FBXL13: variants seen among roughly 807,000 people sequenced by gnomAD.
FBXL13 encodes F-box and leucine-rich repeat protein 13.
Under a neutral mutation model 83.6 loss-of-function variants are expected in FBXL13, and 67 were observed. The observed-to-expected ratio is 0.80, with a 90% CI of 0.66 to 0.98. The LOEUF is 0.98. Among genes scored for constraint, FBXL13 ranks in the 50% least tolerant of loss-of-function variants. The pLI is 0.00. For missense variants in FBXL13, 822 were observed against 866.5 expected (o/e 0.95, Z 0.64); for synonymous variants, 272 against 299.5 (o/e 0.91, Z 0.95).
intron 17 of FBXL13, among the ~76,000 whole-genome samples, chr7:102,853,505 C>T (rs1805575083): frequency 6.6e-6 from 1 of 152,072 alleles, no homozygotes; most frequent in African/African-American, 2.4e-5. Context: ...GCAACAAAAG[C>T]CAAAATTGAT....
chr7:102,911,883 T>G (rs1814746333), intron 11 of FBXL13, among the ~76,000 whole-genome samples: 1 of 152,178 alleles, frequency 6.6e-6, no homozygotes, highest in South Asian at 2.1e-4. Context: ...ATATGAATGT[T>G]AGATGTTTAC....
chr7:103,072,756 C>T (rs1799091693), intron 1 of FBXL13, among the ~76,000 whole-genome samples: 1 of 152,224 alleles, frequency 6.6e-6, no homozygotes, highest in African/African-American at 2.4e-5. Context: ...TCTTCACTCA[C>T]CTCTTAGAGG....
At chr7:103,009,638 C>T in intron 6 of FBXL13, among the ~76,000 whole-genome samples, 1 of 152,244 alleles carries the variant, frequency 6.6e-6, no homozygotes, top group Admixed American at 6.5e-5. Flanking sequence ...AGACCAGCAC[C>T]AGCACTATAG....
At chr7:103,028,466 C>A in intron 4 of FBXL13, 134 bp downstream of exon 5, 2 of 546,638 alleles carry the variant, frequency 3.7e-6, no homozygotes, top group South Asian at 5.1e-5. Context: ...AGCAGCTCTA[C>A]CTTCATTTCA....
chr7:103,010,227 G>A (rs866295369), intron 6 of FBXL13, among the ~76,000 whole-genome samples: 7 of 150,180 alleles, frequency 4.7e-5, no homozygotes, highest in Admixed American at 2.0e-4. Flanking sequence ...GGCAGACAAT[G>A]CCTGCTAGAG....
chr7:102,931,900 G>C (rs1819244813), exon 9 of FBXL13: 2 of 1,613,618 alleles, frequency 1.2e-6, no homozygotes, highest in Non-Finnish European at 1.7e-6. Context: ...TGGGCAGTCA[G>C]AGACATTCAA....
chr7:103,027,533 G>A, exon 5 of FBXL13: 3 of 1,609,596 alleles, frequency 1.9e-6, no homozygotes, highest in Middle Eastern at 1.7e-4. Context: ...GACAATAGAT[G>A]ATCTGTTGTA....
intron 11 of FBXL13, among the ~76,000 whole-genome samples, chr7:102,911,793 G>A (rs185726929): frequency 7.2e-5 from 11 of 152,294 alleles, no homozygotes; most frequent in East Asian, 1.9e-4. Flanking sequence ...TGAGGAGAAC[G>A]TCAATGCCAT....
intron 11 of FBXL13, among the ~76,000 whole-genome samples, chr7:102,885,905 AC>A (rs1329963537): frequency 1.3e-5 from 2 of 151,936 alleles, no homozygotes; most frequent in East Asian, 3.9e-4. Flanking sequence ...TGGTCTCAGC[AC>A]CCTTTTCAAA....
chr7:103,024,528 CAAAAAAA>C (rs11318355), intron 6 of FBXL13, among the ~76,000 whole-genome samples: 1 of 46,788 alleles, frequency 2.1e-5, no homozygotes, highest in Non-Finnish European at 3.8e-5. Flanking sequence ...AACTCCATCT[CAAAAAAA>C]AAAAAAAAAA....
intron 16 of FBXL13, among the ~76,000 whole-genome samples, chr7:102,869,439 C>G (rs188450906): frequency 1.5e-4 from 23 of 152,306 alleles, no homozygotes; most frequent in African/African-American, 5.3e-4. Context: ...TCTCTTCACT[C>G]TGCTGTTTCC....
At chr7:103,030,793 T>C (rs1188950507) in intron 2 of FBXL13, among the ~76,000 whole-genome samples, 1 of 152,198 alleles carries the variant, frequency 6.6e-6, no homozygotes, top group Non-Finnish European at 1.5e-5. Flanking sequence ...ATAAAAGCAT[T>C]TTCTATTCTA....
At chr7:103,016,049 T>C (rs142918903) in intron 6 of FBXL13, among the ~76,000 whole-genome samples, 4 of 152,050 alleles carry the variant, frequency 2.6e-5, no homozygotes, top group East Asian at 3.9e-4. Context: ...TGCTCATGGA[T>C]AGGAAGAATC....
At chr7:103,004,890 T>G (rs189360976) in intron 6 of FBXL13, among the ~76,000 whole-genome samples, 1 of 152,330 alleles carries the variant, frequency 6.6e-6, no homozygotes, top group East Asian at 1.9e-4. Flanking sequence ...TCTGCCAGTT[T>G]GGAGACGTTA....
chr7:102,927,985 A>T (rs1373429169), intron 9 of FBXL13, among the ~76,000 whole-genome samples: 2 of 152,244 alleles, frequency 1.3e-5, no homozygotes, highest in Non-Finnish European at 1.5e-5. Context: ...GAAAGAGCTC[A>T]CTTAAACACC....
chr7:102,868,062 C>G (rs963141211), intron 16 of FBXL13, among the ~76,000 whole-genome samples: 1 of 152,034 alleles, frequency 6.6e-6, no homozygotes, highest in Non-Finnish European at 1.5e-5. Flanking sequence ...TTATGGGATA[C>G]AGTGTGATGT....
chr7:102,993,646 C>T (rs778460128), intron 6 of FBXL13, among the ~76,000 whole-genome samples: 1 of 151,552 alleles, frequency 6.6e-6, no homozygotes, highest in Non-Finnish European at 1.5e-5. Flanking sequence ...ACAGTCTTTG[C>T]CAACCCTCCC....
chr7:102,892,474 T>A (rs1336122356), intron 11 of FBXL13, among the ~76,000 whole-genome samples: 1 of 152,162 alleles, frequency 6.6e-6, no homozygotes, highest in Admixed American at 6.5e-5. Context: ...ATTCTACAAT[T>A]TTTTTTCAAC....
intron 8 of FBXL13, among the ~76,000 whole-genome samples, chr7:102,957,198 T>C (rs1824407291): frequency 6.6e-6 from 1 of 151,958 alleles, no homozygotes; most frequent in African/African-American, 2.4e-5. Context: ...TATACACCAA[T>C]GGAACAGAAC....
Sources: gnomAD v4.1 joint callset for allele counts (sites outside exome capture counted in the v4.1 genomes callset) on GRCh38, gnomAD v4.1.1 for gene constraint, MANE v1.5 for transcripts, NCBI Gene and HGNC (gene_info 2026-07-23, HGNC 2026-07-21) for gene names.